Variants in FAT3 observed in about 807,000 individuals in gnomAD.
The protein encoded by FAT3 is protocadherin Fat 3.
Under a neutral mutation model 310.2 loss-of-function variants are expected in FAT3, and 95 were observed. That is an observed-to-expected ratio of 0.31 (90% CI 0.26 to 0.36). The LOEUF (loss-of-function observed/expected upper bound fraction) is 0.36. Ranked by LOEUF, FAT3 falls within the 10% of genes least tolerant of loss-of-function variation. The pLI is 1.00. For missense variants in FAT3, 5,408 were observed against 5,715.6 expected (o/e 0.95, Z 1.74); for synonymous variants, 2,314 against 2,192.9 (o/e 1.06, Z -1.54).
intron 3 of FAT3, among the ~76,000 whole-genome samples, chr11:92,530,800 T>C (rs1954040614): frequency 6.6e-6 from 1 of 152,120 alleles, no homozygotes; most frequent in Admixed American, 6.5e-5. Context: ...TTAAGCCTTG[T>C]GTTTATGCAC....
rs184256879 is a variant in FAT3, at chr11:92,741,560, A to G, written c.3670-20296A>G. ...TAAATGTGCTGAATATACATACATG[A>G]AAAATACTTCCTAAATATTAGTTAT... On this transcript the variant is annotated intron_variant, in intron 4 of 27. Coordinates refer to ENST00000525166, the MANE Select transcript of FAT3 (RefSeq NM_001367949.2). Among the ~76,000 whole-genome samples, 210 of 152,360 alleles carry G rather than the reference A, an allele frequency of 1.4e-3. 1 individual carries two copies. Among genetic ancestry groups the G allele is most frequent in the African/African-American group, 4.9e-3 (204 of 41,586 alleles).
intron 2 of FAT3, among the ~76,000 whole-genome samples, chr11:92,432,163 T>C (rs1272654653): frequency 6.6e-6 from 1 of 152,192 alleles, no homozygotes; most frequent in Non-Finnish European, 1.5e-5. Context: ...TTGTATCCTC[T>C]TTTATTTCGT....
At chr11:92,412,738 T>TATACACAC (rs1950315393) in intron 2 of FAT3, among the ~76,000 whole-genome samples, 1 of 63,710 alleles carries the variant, frequency 1.6e-5, no homozygotes. Flanking sequence ...TATATATATA[T>TATACACAC]ATATATAAAT....
intron 3 of FAT3, among the ~76,000 whole-genome samples, chr11:92,649,522 A>T (rs1200936426): frequency 6.6e-6 from 1 of 152,048 alleles, no homozygotes; most frequent in African/African-American, 2.4e-5. Flanking sequence ...CTTGTTCCTT[A>T]TCATGTTGCC....
At chr11:92,663,575 A>G (rs1462134213) in intron 3 of FAT3, among the ~76,000 whole-genome samples, 2 of 152,160 alleles carry the variant, frequency 1.3e-5, no homozygotes, top group Non-Finnish European at 2.9e-5. Flanking sequence ...ACCAATGTAA[A>G]CTTACTCCTC....
At chr11:92,737,961 A>C (rs375963811) in intron 4 of FAT3, among the ~76,000 whole-genome samples, 1 of 152,134 alleles carries the variant, frequency 6.6e-6, no homozygotes, top group South Asian at 2.1e-4. Context: ...CCGATTTTTC[A>C]TTGTTCTCAT....
intron 3 of FAT3, among the ~76,000 whole-genome samples, chr11:92,539,167 ATTC>A (rs1359203901): frequency 1.3e-5 from 2 of 152,210 alleles, no homozygotes; most frequent in African/African-American, 4.8e-5. Context: ...TGAGAAATGC[ATTC>A]TTCTGAAGAA....
chr11:92,628,867 CGT>C (rs1941437321), intron 3 of FAT3, among the ~76,000 whole-genome samples: 1 of 152,190 alleles, frequency 6.6e-6, no homozygotes, highest in Admixed American at 6.5e-5. Context: ...GGTGCATGCA[CGT>C]GTGTGCACAG....
intron 2 of FAT3, among the ~76,000 whole-genome samples, chr11:92,357,039 C>T (rs570976680): frequency 9.5e-4 from 145 of 152,240 alleles, no homozygotes; most frequent in African/African-American, 3.2e-3. Flanking sequence ...TTGCCACATA[C>T]TGTATGTTAT....
intron 2 of FAT3, among the ~76,000 whole-genome samples, chr11:92,484,942 C>T (rs930104956): frequency 2.0e-5 from 3 of 152,196 alleles, no homozygotes; most frequent in Non-Finnish European, 2.9e-5. Context: ...TGTGCATTCT[C>T]AGAGTGTGTG....
Position 92,354,470 on chromosome 11 carries a change from T to C in FAT3, c.2358T>C (p.Leu786=), listed in dbSNP as rs1948672315. 1.2e-6 allele frequency: 2 copies of C among 1,613,738 alleles called. No homozygotes were observed. Among genetic ancestry groups the C allele is most frequent in the Non-Finnish European group, 1.7e-6 (2 of 1,179,860 alleles). Residue 786 remains leucine (L), a synonymous_variant, in exon 2 of 28, where the codon CTT becomes CTC. Transcript: ENST00000525166. Reference sequence around the variant, plus strand: ...TGGAGACTGGGCAGCTTAAAGTCCTTATGCCCATGGATCGAGAACACACAG... The same window carrying C: ...TGGAGACTGGGCAGCTTAAAGTCCTCATGCCCATGGATCGAGAACACACAG... ...IDMETGQLKV[L]MPMDREHTDL...
intron 19 of FAT3, among the ~76,000 whole-genome samples, chr11:92,845,116 TA>T (rs1256664665): frequency 6.6e-6 from 1 of 152,088 alleles, no homozygotes; most frequent in African/African-American, 2.4e-5. Context: ...GAGGAAGGCT[TA>T]GGGGCATAAG....
At chr11:92,559,343 A>G (rs565271989) in intron 3 of FAT3, 40 of 191,104 alleles carry the variant, frequency 2.1e-4, no homozygotes, top group African/African-American at 9.8e-4. Context: ...CTTTCTCTTT[A>G]TATATATTTC....
chr11:92,376,169 T>G (rs999555139), intron 2 of FAT3, among the ~76,000 whole-genome samples: 3 of 152,214 alleles, frequency 2.0e-5, no homozygotes, highest in African/African-American at 7.2e-5. Flanking sequence ...CCCTGTACTC[T>G]GTCTTCCTGT....
At chr11:92,775,349 T>C (rs535404664) in intron 7 of FAT3, among the ~76,000 whole-genome samples, 87 of 152,230 alleles carry the variant, frequency 5.7e-4, no homozygotes, top group Non-Finnish European at 9.7e-4. Context: ...ATTTGAAAAA[T>C]ATAATGCAAC....
At chr11:92,425,852 A>G (rs1291554134) in intron 2 of FAT3, among the ~76,000 whole-genome samples, 1 of 152,170 alleles carries the variant, frequency 6.6e-6, no homozygotes, top group African/African-American at 2.4e-5. Context: ...ATATGTGTGC[A>G]TGTGTCTTTA....
intron 3 of FAT3, among the ~76,000 whole-genome samples, chr11:92,653,226 G>A (rs1182247742): frequency 4.6e-5 from 5 of 108,686 alleles, no homozygotes; most frequent in African/African-American, 2.0e-4. Flanking sequence ...GTGCTCGCAT[G>A]CGTGTGCACA....
In FAT3 at chr11:92,859,286, A is replaced by G; in HGVS notation, c.11622A>G (p.Ile3874Met). ...GAACACTGCAAAGCAATGGGATTATAATGTACACCAGAGCAAATCCCTGCA... is the reference window on the plus strand; with the variant it reads ...GAACACTGCAAAGCAATGGGATTATGATGTACACCAGAGCAAATCCCTGCA... ...RLRTLQSNGI[I>M]MYTRANPCII... Residue 3874 changes from isoleucine (I) to methionine (M), a missense_variant, in exon 21 of 28, where the codon ATA becomes ATG. Ile to Met is a conservative substitution (Grantham distance 10). This residue lies in a region of FAT3 where 4,588 missense variants were observed against 4,809.8 expected (regional missense o/e 0.95). Transcript: ENST00000525166. 6.2e-7 allele frequency: 1 copy of G among 1,612,554 alleles called. No individual in the cohort carries two copies. Among genetic ancestry groups the G allele is most frequent in the Non-Finnish European group, 8.5e-7 (1 of 1,179,056 alleles).
chr11:92,701,992 G>T (rs1459611241), intron 4 of FAT3, among the ~76,000 whole-genome samples: 1 of 152,180 alleles, frequency 6.6e-6, no homozygotes, highest in Non-Finnish European at 1.5e-5. Context: ...GTGTGGGAAA[G>T]CTCAGATGTT....
Sources: allele counts gnomAD v4.1 joint callset (sites outside exome capture counted in the v4.1 genomes callset), GRCh38; gene constraint gnomAD v4.1.1; regional missense constraint gnomAD v4.1.1; transcripts MANE v1.5; gene names NCBI Gene and HGNC (gene_info 2026-07-23, HGNC 2026-07-21).